Variants in IDE observed in about 807,000 individuals in gnomAD.
IDE encodes the protein insulin-degrading enzyme.
Under a neutral mutation model 133.2 loss-of-function variants are expected in IDE, and 58 were observed. That is an observed-to-expected ratio of 0.44 (90% CI 0.35 to 0.54). The LOEUF (loss-of-function observed/expected upper bound fraction) is 0.54, where lower values mean the gene tolerates loss of function less well. IDE is among the 20% of genes least tolerant of loss of function. The pLI, the probability that IDE is intolerant of heterozygous loss-of-function variation, is 0.00. For synonymous variants in IDE, 396 were observed against 421.3 expected (o/e 0.94, Z 0.73); for missense variants, 981 against 1,234.0 (o/e 0.79, Z 3.07).
At chr10:92,508,013 G>T in intron 8 of IDE, 100 bp downstream of exon 8, 1 of 849,670 alleles carries the variant, frequency 1.2e-6, no homozygotes, top group Non-Finnish European at 1.9e-6. Context: ...TTAAAGTGTT[G>T]TAGCTTTCAA....
intron 12 of IDE, among the ~76,000 whole-genome samples, chr10:92,488,882 G>T (rs1164400344): frequency 7.4e-6 from 1 of 134,616 alleles, no homozygotes; most frequent in African/African-American, 2.8e-5. Flanking sequence ...AAGTGGGACA[G>T]ATCACAGGCC....
intron 20 of IDE, among the ~76,000 whole-genome samples, chr10:92,464,324 A>C (rs559008342): frequency 6.6e-6 from 1 of 152,312 alleles, no homozygotes; most frequent in African/African-American, 2.4e-5. Flanking sequence ...TTACTCCCAG[A>C]ATATAAAATG....
chr10:92,544,923 TG>T (rs1475265465), intron 1 of IDE, among the ~76,000 whole-genome samples: 1 of 152,164 alleles, frequency 6.6e-6, no homozygotes, highest in Non-Finnish European at 1.5e-5. Context: ...ACAGTAGACA[TG>T]AATGGGTTTA....
intron 18 of IDE, among the ~76,000 whole-genome samples, chr10:92,469,279 TG>T (rs1451497388): frequency 6.6e-6 from 1 of 152,182 alleles, no homozygotes; most frequent in African/African-American, 2.4e-5. Flanking sequence ...TACAGACACC[TG>T]GGGTCACAGA....
intron 4 of IDE, among the ~76,000 whole-genome samples, chr10:92,515,517 C>T (rs1465707252): frequency 6.6e-6 from 1 of 151,388 alleles, no homozygotes; most frequent in Non-Finnish European, 1.5e-5. Context: ...CCTCAGCCTC[C>T]CAAAGTGCTG....
intron 20 of IDE, among the ~76,000 whole-genome samples, chr10:92,464,353 C>T (rs1234374711): frequency 6.6e-6 from 1 of 152,182 alleles, no homozygotes; most frequent in South Asian, 2.1e-4. Context: ...ATTTTCATCC[C>T]TTAGTGACAG....
intron 5 of IDE, among the ~76,000 whole-genome samples, chr10:92,514,025 TCTC>T (rs1319019681): frequency 6.6e-6 from 1 of 152,178 alleles, no homozygotes; most frequent in Non-Finnish European, 1.5e-5. Flanking sequence ...ATTTAGCCAA[TCTC>T]CTATTAACAT....
chr10:92,531,899 C>G lies in IDE; in HGVS notation c.510G>C (p.Leu170=), dbSNP rs745813440. The G allele has an allele frequency of 6.4e-7, 1 of 1,552,318 alleles. No individual in the cohort carries two copies. Among genetic ancestry groups the G allele is most frequent in the East Asian group, 2.4e-5 (1 of 42,418 alleles). Residue 170 remains leucine, a synonymous_variant, in exon 4 of 25, where the codon CTG becomes CTC. Coordinates refer to ENST00000265986, the MANE Select transcript of IDE (RefSeq NM_004969.4). ...TGCAACTTTCATCGAACAAGGGGCA[C>G]AGAAAAAACTGTGCAAACCTAAGGG... ...GALDRFAQFF[L]CPLFDESCKD...
chr10:92,511,679 C>T (rs964883878), intron 5 of IDE, among the ~76,000 whole-genome samples: 1 of 130,102 alleles, frequency 7.7e-6, no homozygotes, highest in African/African-American at 2.6e-5. Context: ...ATAAAATATA[C>T]CTACTTTTGC....
At chr10:92,514,714 T>C (rs1848810587) in intron 5 of IDE, among the ~76,000 whole-genome samples, 1 of 152,030 alleles carries the variant, frequency 6.6e-6, no homozygotes, top group East Asian at 1.9e-4. Context: ...GTATTTTTTT[T>C]CAGATCTCCA....
chr10:92,555,737 A>C (rs1371997703), intron 1 of IDE, among the ~76,000 whole-genome samples: 2 of 152,212 alleles, frequency 1.3e-5, no homozygotes, highest in African/African-American at 4.8e-5. Context: ...CATCGTACTT[A>C]ATGGTGACAG....
chr10:92,518,856 A>G (rs1018411826), intron 4 of IDE, among the ~76,000 whole-genome samples: 13 of 152,206 alleles, frequency 8.5e-5, no homozygotes, highest in African/African-American at 3.1e-4. Flanking sequence ...TAAACACGGA[A>G]ATGATAATCA....
intron 1 of IDE, among the ~76,000 whole-genome samples, chr10:92,553,347 T>C (rs1042806657): frequency 8.6e-5 from 13 of 151,466 alleles, no homozygotes; most frequent in Non-Finnish European, 1.9e-4. Flanking sequence ...TTGCTTGAAC[T>C]TGGGAGGCAG....
chr10:92,500,798 G>T (rs1847964456), intron 11 of IDE, among the ~76,000 whole-genome samples: 1 of 147,896 alleles, frequency 6.8e-6, no homozygotes. Flanking sequence ...TAGGTCCTTT[G>T]TATGTCCATA....
chr10:92,462,283 A>G (rs1374021844), intron 21 of IDE, among the ~76,000 whole-genome samples: 1 of 148,092 alleles, frequency 6.8e-6, no homozygotes, highest in East Asian at 2.1e-4. Flanking sequence ...ACATCACTAT[A>G]CTACAGCCTG....
chr10:92,508,065 T>C (rs371994395), intron 8 of IDE, 48 bp downstream of exon 8: 325 of 1,358,152 alleles, frequency 2.4e-4, no homozygotes, highest in Non-Finnish European at 3.2e-4. Context: ...AAAAACATCA[T>C]AGAAAGTAAA....
At chr10:92,534,841 G>C in intron 2 of IDE, 56 bp from the exon 3 acceptor site, 2 of 1,315,840 alleles carry the variant, frequency 1.5e-6, no homozygotes, top group Non-Finnish European at 2.2e-6. Flanking sequence ...AAGTTAGTAA[G>C]TACAGGTGAT....
In IDE at chr10:92,573,507, G is replaced by A. The variant is rs1350405089; in HGVS notation, c.98+415C>T. On this transcript the variant is annotated intron_variant, in intron 1 of 24. Transcript: ENST00000265986. ...GGTGAGAAGCGGTCCCCCCGAAGTCGCCGGATTCCTTTACCCCACGGCTCG... is the reference window on the plus strand; with the variant it reads ...GGTGAGAAGCGGTCCCCCCGAAGTCACCGGATTCCTTTACCCCACGGCTCG... 3.3e-5 allele frequency among the ~76,000 whole-genome samples: 5 copies of A among 152,346 alleles called. No individual in the cohort carries two copies. In the South Asian group the frequency reaches 8.3e-4, roughly 25 times the overall value.
In IDE at chr10:92,559,949, C is replaced by T. The variant is rs1481846929; in HGVS notation, c.98+13973G>A. Among the ~76,000 whole-genome samples, 3 of 151,920 alleles carry T rather than the reference C, an allele frequency of 2.0e-5. 1 individual carries two copies. The highest frequency in any genetic ancestry group is 4.8e-5 in the African/African-American group (2 of 41,340). ...ATAGGGTCCCACTATGTTGCACAGG[C>T]TAGTTTCCAACTCTTGGACTCAAGC... On this transcript the variant is annotated intron_variant, in intron 1 of 24. Coordinates refer to ENST00000265986, the MANE Select transcript of IDE (RefSeq NM_004969.4).
Sources: gnomAD v4.1 joint callset for allele counts (sites outside exome capture counted in the v4.1 genomes callset) on GRCh38, gnomAD v4.1.1 for gene constraint, MANE v1.5 for transcripts, NCBI Gene and HGNC (gene_info 2026-07-23, HGNC 2026-07-21) for gene names.